The following KCNIP1 variants were observed in gnomAD, a reference collection of about 807,000 sequenced individuals.
KCNIP1 encodes A-type potassium channel modulatory protein KCNIP1.
In KCNIP1, 18 loss-of-function variants were observed where a neutral mutation model predicts 33.0. That is an observed-to-expected ratio of 0.55 (90% CI 0.38 to 0.81). KCNIP1 has a LOEUF of 0.81. KCNIP1 is among the 30% of genes least tolerant of loss of function. The pLI, the probability that KCNIP1 is intolerant of heterozygous loss-of-function variation, is 0.00. For missense variants in KCNIP1, 238 were observed against 271.6 expected (o/e 0.88, Z 0.87); for synonymous variants, 93 against 98.3 (o/e 0.95, Z 0.32).
chr5:170,627,566 C>G (rs762397780), intron 1 of KCNIP1, among the ~76,000 whole-genome samples: 8 of 152,244 alleles, frequency 5.3e-5, no homozygotes, highest in Non-Finnish European at 1.2e-4. Context: ...TGCTCAGGAC[C>G]CTGGCTGACC....
At chr5:170,441,951 CAAAAAAAAAAA>C (rs34610945) in intron 1 of KCNIP1, among the ~76,000 whole-genome samples, 87 of 72,252 alleles carry the variant, frequency 1.2e-3, no homozygotes, top group African/African-American at 5.1e-3. Flanking sequence ...GACTCCATCT[CAAAAAAAAAAA>C]AAAAAAAAAA....
At chr5:170,622,661 G>C (rs1196181821) in intron 1 of KCNIP1, among the ~76,000 whole-genome samples, 1 of 151,266 alleles carries the variant, frequency 6.6e-6, no homozygotes, top group Non-Finnish European at 1.5e-5. Flanking sequence ...GAGAGGCAGT[G>C]AAGAAGGCTG....
At chr5:170,473,661 C>T (rs1463267555) in intron 1 of KCNIP1, among the ~76,000 whole-genome samples, 1 of 152,192 alleles carries the variant, frequency 6.6e-6, no homozygotes, top group Admixed American at 6.5e-5. Context: ...CTCATGATAT[C>T]CCACACCTGT....
chr5:170,499,916 G>C (rs1222983532), upstream of KCNIP1, among the ~76,000 whole-genome samples: 1 of 152,202 alleles, frequency 6.6e-6, no homozygotes, highest in Non-Finnish European at 1.5e-5. Context: ...CAGAAGGAAG[G>C]CCTTGCGTCC....
chr5:170,593,593 C>T (rs1362619417), intron 1 of KCNIP1, among the ~76,000 whole-genome samples: 1 of 152,216 alleles, frequency 6.6e-6, no homozygotes, highest in African/African-American at 2.4e-5. Flanking sequence ...TAATTGTTCA[C>T]ATTCTGCTGA....
chr5:170,691,860 T>C (rs1278155590), intron 1 of KCNIP1, among the ~76,000 whole-genome samples: 1 of 131,676 alleles, frequency 7.6e-6, no homozygotes, highest in Non-Finnish European at 1.7e-5. Context: ...GAAACACCAC[T>C]CGAGATCCTC....
Position 170,387,527 on chromosome 5 carries a change from C to T in KCNIP1, c.88+33563C>T, listed in dbSNP as rs577404971. Among the ~76,000 whole-genome samples the T allele has an allele frequency of 3.2e-4, 48 of 152,308 alleles. No homozygotes were observed. The South Asian group carries it at 9.1e-3, about 29-fold the overall frequency. ...GAGCTGGTCCACCTCCCCTATCGATCGGCAGAGGTGACATCCAATGACAAC... is the reference window on the plus strand; with the variant it reads ...GAGCTGGTCCACCTCCCCTATCGATTGGCAGAGGTGACATCCAATGACAAC... On this transcript the variant is annotated intron_variant, in intron 1 of 7. Transcript: ENST00000377360.
At chr5:170,425,969 T>C (rs1012886431) in intron 1 of KCNIP1, among the ~76,000 whole-genome samples, 31 of 152,208 alleles carry the variant, frequency 2.0e-4, no homozygotes, top group Admixed American at 2.6e-4. Context: ...GCTCTAGGAC[T>C]CAGGCATTTT....
chr5:170,523,273 G>A lies in KCNIP1; in HGVS notation c.61+18640G>A, dbSNP rs533917017. 1.9e-4 allele frequency among the ~76,000 whole-genome samples: 29 copies of A among 152,348 alleles called. No individual in the cohort carries two copies. In the East Asian group the frequency reaches 5.6e-3, roughly 29 times the overall value. On this transcript the variant is annotated intron_variant, in intron 1 of 7. Transcript: ENST00000328939. ...CACTCCTGATCTTGCGTGCTGCAGA[G>A]AGCTGTCCTCAGAGCAGGCTGAGGG...
At chr5:170,385,342 T>C (rs766955231) in intron 1 of KCNIP1, 1 of 1,614,106 alleles carries the variant, frequency 6.2e-7, no homozygotes, top group East Asian at 2.2e-5. Context: ...AGCACAGTCG[T>C]GACCAGGATG....
At chr5:170,632,521 C>G (rs140955545) in intron 1 of KCNIP1, among the ~76,000 whole-genome samples, 1,574 of 152,362 alleles carry the variant, frequency 0.01, 15 homozygotes, top group African/African-American at 0.034. Flanking sequence ...TGAGGAGGAG[C>G]AGCGCGGCTC....
intron 1 of KCNIP1, among the ~76,000 whole-genome samples, chr5:170,435,188 A>G (rs1171568097): frequency 6.6e-6 from 1 of 152,226 alleles, no homozygotes; most frequent in East Asian, 1.9e-4. Context: ...AGAGGGCAGC[A>G]CAGGCCACAG....
At chr5:170,727,867 G>A (rs915490797) in intron 5 of KCNIP1, among the ~76,000 whole-genome samples, 3 of 152,138 alleles carry the variant, frequency 2.0e-5, no homozygotes, top group Non-Finnish European at 4.4e-5. Context: ...CTTGAGCCCA[G>A]GAGTTCAAGC....
chr5:170,666,064 G>C (rs1181233115), intron 1 of KCNIP1, among the ~76,000 whole-genome samples: 1 of 152,174 alleles, frequency 6.6e-6, no homozygotes, highest in Non-Finnish European at 1.5e-5. Context: ...GGAAGTCACT[G>C]TGTGCAACTC....
At chr5:170,496,596 T>C (rs902023519) in intron 1 of KCNIP1, among the ~76,000 whole-genome samples, 3 of 152,194 alleles carry the variant, frequency 2.0e-5, no homozygotes, top group African/African-American at 7.2e-5. Flanking sequence ...CCACTGCTAA[T>C]GCAATTATTC....
chr5:170,731,978 G>T (rs895464340), intron 5 of KCNIP1, among the ~76,000 whole-genome samples: 1 of 151,942 alleles, frequency 6.6e-6, no homozygotes, highest in Non-Finnish European at 1.5e-5. Context: ...CCTGGGTTTG[G>T]TCATTGTGCT....
chr5:170,685,799 A>G (rs1762519145), intron 1 of KCNIP1, among the ~76,000 whole-genome samples: 1 of 152,192 alleles, frequency 6.6e-6, no homozygotes, highest in Admixed American at 6.5e-5. Context: ...TAAACTTTAA[A>G]ATTACTTTTT....
intron 1 of KCNIP1, among the ~76,000 whole-genome samples, chr5:170,414,547 C>T (rs890256049): frequency 6.6e-6 from 1 of 152,198 alleles, no homozygotes; most frequent in Non-Finnish European, 1.5e-5. Context: ...AATCTTTTTC[C>T]ACCACGTGGC....
intron 1 of KCNIP1, among the ~76,000 whole-genome samples, chr5:170,610,642 T>C (rs900202831): frequency 1.3e-5 from 2 of 152,234 alleles, no homozygotes; most frequent in African/African-American, 4.8e-5. Flanking sequence ...TCCCTCTGCC[T>C]CAGTTTCTTC....
Sources: gnomAD v4.1 joint callset for allele counts (sites outside exome capture counted in the v4.1 genomes callset) on GRCh38, gnomAD v4.1.1 for gene constraint, MANE v1.5 for transcripts, NCBI Gene and HGNC (gene_info 2026-07-23, HGNC 2026-07-21) for gene names.